FRMD3: variants seen among roughly 807,000 people sequenced by gnomAD.
FRMD3 encodes FERM domain-containing protein 3.
FRMD3 carries 33 observed loss-of-function variants against 70.2 expected under a neutral mutation model. That is an observed-to-expected ratio of 0.47 (90% CI 0.36 to 0.63). The LOEUF (loss-of-function observed/expected upper bound fraction) is 0.63. Ranked by LOEUF, FRMD3 falls within the 20% of genes least tolerant of loss-of-function variation. The probability of loss-of-function intolerance (pLI) is 0.00; values close to 1 mark genes in which losing one functional copy is unlikely to be tolerated. For missense variants in FRMD3, 632 were observed against 711.4 expected (o/e 0.89, Z 1.27); for synonymous variants, 279 against 255.9 (o/e 1.09, Z -0.86).
chr9:83,558,338 T>C, the FRMD3 span, among the ~76,000 whole-genome samples: 1 of 152,214 alleles, frequency 6.6e-6, no homozygotes, highest in East Asian at 1.9e-4. Context: ...AATCCTTTAT[T>C]AGGGATTGAA....
intron 1 of FRMD3, among the ~76,000 whole-genome samples, chr9:83,452,537 AGT>A (rs1464412429): frequency 6.6e-6 from 1 of 151,948 alleles, no homozygotes; most frequent in Non-Finnish European, 1.5e-5. Flanking sequence ...GCTGGAGTGC[AGT>A]GGTGCGATCT....
intron 3 of FRMD3, among the ~76,000 whole-genome samples, chr9:83,357,444 G>A (rs1824438808): frequency 6.6e-6 from 1 of 151,318 alleles, no homozygotes; most frequent in Non-Finnish European, 1.5e-5. Flanking sequence ...TGGATACCCA[G>A]TAGTGAAATT....
chr9:83,311,844 G>T (rs768475232), intron 8 of FRMD3, 43 bp downstream of exon 8: 3 of 1,382,982 alleles, frequency 2.2e-6, no homozygotes, highest in South Asian at 1.2e-5. Context: ...GAGGAATCAA[G>T]ATTAAGAAAA....
chr9:83,491,729 C>T (rs1047938065), intron 1 of FRMD3, among the ~76,000 whole-genome samples: 1 of 152,192 alleles, frequency 6.6e-6, no homozygotes, highest in Non-Finnish European at 1.5e-5. Flanking sequence ...CCTGACCTGA[C>T]CTCTGGTAGG....
At chr9:83,273,181 C>T (rs1833669440) in intron 13 of FRMD3, among the ~76,000 whole-genome samples, 1 of 152,112 alleles carries the variant, frequency 6.6e-6, no homozygotes, top group Non-Finnish European at 1.5e-5. Context: ...GTGGTTTTGT[C>T]GAATAGAAAA....
At chr9:83,328,228 T>A (rs1385330885) in intron 6 of FRMD3, among the ~76,000 whole-genome samples, 1 of 149,218 alleles carries the variant, frequency 6.7e-6, no homozygotes, top group Non-Finnish European at 1.5e-5. Flanking sequence ...AAGGAGAAGG[T>A]AAGTTGGCAG....
At chr9:83,294,930 G>A (rs1834600579) in intron 12 of FRMD3, among the ~76,000 whole-genome samples, 1 of 152,158 alleles carries the variant, frequency 6.6e-6, no homozygotes, top group Non-Finnish European at 1.5e-5. Flanking sequence ...CTTTCCACCT[G>A]AACTCCTGAG....
At chr9:83,463,846 T>C (rs1394999392) in intron 1 of FRMD3, among the ~76,000 whole-genome samples, 1 of 152,204 alleles carries the variant, frequency 6.6e-6, no homozygotes, top group Non-Finnish European at 1.5e-5. Context: ...GTGTGTCATC[T>C]GAATTTTTAC....
intron 2 of FRMD3, among the ~76,000 whole-genome samples, chr9:83,388,164 A>T (rs1825564991): frequency 6.6e-6 from 1 of 152,228 alleles, no homozygotes; most frequent in Admixed American, 6.5e-5. Flanking sequence ...TAGGACTCCA[A>T]GAGCAAAATA....
At chr9:83,441,529 A>G (rs925445341) in intron 1 of FRMD3, among the ~76,000 whole-genome samples, 2 of 152,180 alleles carry the variant, frequency 1.3e-5, no homozygotes, top group East Asian at 3.9e-4. Flanking sequence ...GCTCAAGGGC[A>G]CTGGACCCCA....
intron 1 of FRMD3, among the ~76,000 whole-genome samples, chr9:83,407,446 A>G (rs1180528426): frequency 1.3e-5 from 2 of 151,764 alleles, no homozygotes; most frequent in Non-Finnish European, 2.9e-5. Context: ...GGAATTTTTA[A>G]TCTCTGTATT....
intron 6 of FRMD3, among the ~76,000 whole-genome samples, chr9:83,324,346 A>C (rs1480143678): frequency 1.3e-5 from 2 of 152,178 alleles, no homozygotes; most frequent in Admixed American, 1.3e-4. Context: ...CTATGGGAGG[A>C]GAGAGGGAGG....
At chr9:83,318,849 T>A (rs1042304309) in intron 6 of FRMD3, among the ~76,000 whole-genome samples, 1 of 152,230 alleles carries the variant, frequency 6.6e-6, no homozygotes, top group Non-Finnish European at 1.5e-5. Flanking sequence ...TTCTGACTGG[T>A]GTAAGATGGT....
intron 1 of FRMD3, among the ~76,000 whole-genome samples, chr9:83,402,576 C>G (rs1176570935): frequency 6.6e-6 from 1 of 151,706 alleles, no homozygotes; most frequent in Non-Finnish European, 1.5e-5. Context: ...TGTCCTCATG[C>G]AAGGCTAATA....
At chr9:83,373,641 A>AT (rs1825050963) in intron 2 of FRMD3, among the ~76,000 whole-genome samples, 1 of 46,958 alleles carries the variant, frequency 2.1e-5, no homozygotes, top group Non-Finnish European at 4.8e-5. Context: ...TACAGCACAT[A>AT]CAAAGATCAC....
chr9:83,493,529 G>T (rs969666064), intron 1 of FRMD3, among the ~76,000 whole-genome samples: 3 of 152,342 alleles, frequency 2.0e-5, no homozygotes, highest in Middle Eastern at 3.4e-3. Context: ...TATGAAGAGG[G>T]CCCCAGTGGC....
chr9:83,309,713 T>G (rs1477728229), intron 9 of FRMD3, 89 bp from the exon 10 acceptor site: 2 of 708,082 alleles, frequency 2.8e-6, no homozygotes, highest in Admixed American at 5.5e-5. Flanking sequence ...TTTACCTCTT[T>G]GTATCCTATC....
At chr9:83,340,977 G>A (rs551822001) in intron 5 of FRMD3, among the ~76,000 whole-genome samples, 2 of 152,316 alleles carry the variant, frequency 1.3e-5, no homozygotes, top group South Asian at 4.1e-4. Flanking sequence ...ACAAGACGAT[G>A]AGGGGCGACA....
intron 1 of FRMD3, among the ~76,000 whole-genome samples, chr9:83,464,711 AC>A (rs932261970): frequency 3.9e-5 from 6 of 152,030 alleles, no homozygotes; most frequent in Non-Finnish European, 4.4e-5. Context: ...GGACATTTAA[AC>A]TGGTCAAAGA....
Sources: allele counts gnomAD v4.1 joint callset (sites outside exome capture counted in the v4.1 genomes callset), GRCh38; gene constraint gnomAD v4.1.1; transcripts MANE v1.5; gene names NCBI Gene and HGNC (gene_info 2026-07-23, HGNC 2026-07-21).